The following PTPN2 variants were observed in gnomAD, a reference collection of about 807,000 sequenced individuals.
The protein encoded by PTPN2 is tyrosine-protein phosphatase non-receptor type 2.
A neutral mutation model predicts 57.3 loss-of-function variants in PTPN2; 19 were observed. That is an observed-to-expected ratio of 0.33 (90% CI 0.23 to 0.49). PTPN2 has a LOEUF of 0.49. Ranked by LOEUF, PTPN2 falls within the 20% of genes least tolerant of loss-of-function variation. The pLI is 0.99. For synonymous variants in PTPN2, 153 were observed against 164.9 expected (o/e 0.93, Z 0.55); for missense variants, 358 against 501.1 (o/e 0.71, Z 2.73).
rs116194148 is a variant in PTPN2, at chr18:12,849,719, G to A, written c.160+9445C>T. Among the ~76,000 whole-genome samples, 869 of 152,048 alleles carry A rather than the reference G, an allele frequency of 5.7e-3. 6 individuals carry two copies. The highest frequency in any genetic ancestry group is 0.02 in the African/African-American group (834 of 41,446). On this transcript the variant is annotated intron_variant, in intron 2 of 8. Transcript: ENST00000309660. Reference sequence around the variant, plus strand: ...AGGATTTCTACATCTATATTCACTTGCATTATTATGAAACATACCGGTAAA... The same window carrying A: ...AGGATTTCTACATCTATATTCACTTACATTATTATGAAACATACCGGTAAA...
chr18:12,879,539 G>A (rs1022089528), intron 1 of PTPN2, among the ~76,000 whole-genome samples: 1 of 152,210 alleles, frequency 6.6e-6, no homozygotes, highest in Admixed American at 6.5e-5. Flanking sequence ...AGCACTGGCA[G>A]TGCCTTCATG....
intron 7 of PTPN2, among the ~76,000 whole-genome samples, chr18:12,809,900 C>G (rs58795044): frequency 6.6e-6 from 1 of 152,108 alleles, no homozygotes; most frequent in Non-Finnish European, 1.5e-5. Flanking sequence ...GAAAAAGGCA[C>G]GCCTGGCACA....
chr18:12,870,972 A>G (rs1449669516), intron 1 of PTPN2, among the ~76,000 whole-genome samples: 2 of 152,174 alleles, frequency 1.3e-5, no homozygotes, highest in East Asian at 1.9e-4. Context: ...CCCTTAGGTG[A>G]TAACTGTAAC....
chr18:12,828,143 C>T, intron 4 of PTPN2, among the ~76,000 whole-genome samples: 1 of 152,160 alleles, frequency 6.6e-6, no homozygotes, highest in East Asian at 1.9e-4. Flanking sequence ...AAGAATAGCA[C>T]ATGAGCCAAG....
Position 12,859,500 on chromosome 18 carries a change from G to C in PTPN2, c.70-246C>G, listed in dbSNP as rs192142151. ...AAATCCACCAAAGATCCCATAGCTA[G>C]TAAGTGGCAGTCCCAGCATTGAACC... is the stretch of plus-strand genomic sequence containing the variant. On this transcript the variant is annotated intron_variant, in intron 1 of 8. Coordinates refer to ENST00000309660, the MANE Select transcript of PTPN2 (RefSeq NM_002828.4). 3.3e-5 allele frequency among the ~76,000 whole-genome samples: 5 copies of C among 152,346 alleles called. No homozygotes were observed. In the East Asian group the frequency reaches 7.7e-4, roughly 24 times the overall value.
intron 1 of PTPN2, among the ~76,000 whole-genome samples, chr18:12,876,315 A>AAGAAGAAGAAGAAGAAAT (rs1555681239): frequency 2.0e-5 from 3 of 150,984 alleles, no homozygotes; most frequent in African/African-American, 7.4e-5. Context: ...GAAGAAGAAG[A>AAGAAGAAGAAGAAGAAAT]AATTTGTCAG....
At chr18:12,881,830 T>TTA (rs530926080) in intron 1 of PTPN2, among the ~76,000 whole-genome samples, 1 of 152,224 alleles carries the variant, frequency 6.6e-6, no homozygotes, top group South Asian at 2.1e-4. Context: ...ATGTATCACT[T>TTA]TAACGTTTTC....
intron 1 of PTPN2, chr18:12,862,876 A>G (rs978825965): frequency 1.4e-5 from 2 of 147,142 alleles, no homozygotes; most frequent in African/African-American, 2.5e-5. Flanking sequence ...TAAATCAGCT[A>G]TTGATTAATT....
At chr18:12,807,586 A>AAAAT in intron 7 of PTPN2, among the ~76,000 whole-genome samples, 1 of 35,198 alleles carries the variant, frequency 2.8e-5, no homozygotes. Flanking sequence ...AAAAAAAAAA[A>AAAAT]ATATATATAT....
At chr18:12,842,352 C>T (rs571661658) in intron 2 of PTPN2, among the ~76,000 whole-genome samples, 2 of 152,250 alleles carry the variant, frequency 1.3e-5, no homozygotes, top group South Asian at 4.1e-4. Context: ...ACAATGCGGA[C>T]CAAATATCTA....
chr18:12,820,019 G>A (rs1030573681), intron 5 of PTPN2, among the ~76,000 whole-genome samples: 5 of 152,316 alleles, frequency 3.3e-5, no homozygotes, highest in South Asian at 2.1e-4. Context: ...CCCCTACGGG[G>A]TCCTGCGCAC....
At chr18:12,843,101 T>A (rs906471738) in intron 2 of PTPN2, among the ~76,000 whole-genome samples, 1 of 152,174 alleles carries the variant, frequency 6.6e-6, no homozygotes, top group Non-Finnish European at 1.5e-5. Context: ...TCTAAAGATG[T>A]GGATTCTGAT....
intron 7 of PTPN2, among the ~76,000 whole-genome samples, chr18:12,803,996 C>T (rs1368655839): frequency 1.3e-5 from 2 of 151,922 alleles, no homozygotes; most frequent in Non-Finnish European, 2.9e-5. Context: ...CAAGTCTCAA[C>T]AAATTAAAAA....
chr18:12,849,905 T>C (rs890076975), intron 2 of PTPN2, among the ~76,000 whole-genome samples: 3 of 152,170 alleles, frequency 2.0e-5, no homozygotes, highest in African/African-American at 7.2e-5. Context: ...ATAAAATTGT[T>C]GGCAGTATTC....
In PTPN2 at chr18:12,870,510, G is replaced by T. The variant is rs867525261; in HGVS notation, c.70-11256C>A. Among the ~76,000 whole-genome samples the T allele has an allele frequency of 5.7e-3, 311 of 54,374 alleles. 18 individuals carry two copies. Among genetic ancestry groups the T allele is most frequent in the South Asian group, 0.025 (24 of 946 alleles). 35.7% of individuals were successfully genotyped at this position (54,374 alleles called of 152,430 possible). ...AGAGAGAGAGAGAGAAAAGCGTGTT[G>T]TTTTTTTTTTTTTTTTGAGACAGAG... is the stretch of plus-strand genomic sequence containing the variant. On this transcript the variant is annotated intron_variant, in intron 1 of 8. Coordinates refer to ENST00000309660, the MANE Select transcript of PTPN2 (RefSeq NM_002828.4).
In PTPN2 at chr18:12,793,378, C is replaced by A. The variant is rs1279656079; in HGVS notation, c.*900G>T. 1.0e-6 allele frequency: 1 copy of A among 978,664 alleles called. No homozygotes were observed. The highest frequency in any genetic ancestry group is 1.8e-5 in the African/African-American group (1 of 57,070). 60.6% of individuals were successfully genotyped at this position (978,664 alleles called of 1,614,324 possible). On this transcript the variant is annotated 3_prime_UTR_variant, in exon 9 of 9. Coordinates refer to ENST00000309660, the MANE Select transcript of PTPN2 (RefSeq NM_002828.4). ...TGCTTCTTACTTTTGCTTCCTAAATCATAATCTACCCCAACTACATTGAAA... is the reference window on the plus strand; with the variant it reads ...TGCTTCTTACTTTTGCTTCCTAAATAATAATCTACCCCAACTACATTGAAA...
intron 8 of PTPN2, among the ~76,000 whole-genome samples, chr18:12,800,612 A>G (rs946885743): frequency 1.7e-4 from 26 of 152,284 alleles, no homozygotes; most frequent in African/African-American, 6.3e-4. Context: ...ATATGTTAGC[A>G]TTTATAAAAT....
intron 6 of PTPN2, among the ~76,000 whole-genome samples, chr18:12,816,506 G>A (rs1005093547): frequency 2.0e-5 from 3 of 152,118 alleles, no homozygotes; most frequent in Admixed American, 2.0e-4. Flanking sequence ...ACAGAAGTTA[G>A]GAGAAGTATA....
chr18:12,870,127 C>G (rs1465280084), intron 1 of PTPN2, among the ~76,000 whole-genome samples: 1 of 150,302 alleles, frequency 6.7e-6, no homozygotes, highest in Non-Finnish European at 1.5e-5. Context: ...TACTGTGTGT[C>G]AGGCATGTGC....
Sources: allele counts gnomAD v4.1 joint callset (sites outside exome capture counted in the v4.1 genomes callset), GRCh38; gene constraint gnomAD v4.1.1; transcripts MANE v1.5; gene names NCBI Gene and HGNC (gene_info 2026-07-23, HGNC 2026-07-21).